The following TTC6 variants were observed in gnomAD, a reference collection of about 807,000 sequenced individuals.
The protein encoded by TTC6 is tetratricopeptide repeat protein 6.
Under a neutral mutation model 210.4 loss-of-function variants are expected in TTC6, and 172 were observed. The ratio of observed to expected loss-of-function variants is 0.82; its 90% confidence interval spans 0.72 to 0.93. TTC6 has a LOEUF of 0.93. Ranked by LOEUF, TTC6 falls within the 40% of genes least tolerant of loss-of-function variation. The probability of loss-of-function intolerance (pLI) is 0.00; values close to 1 mark genes in which losing one functional copy is unlikely to be tolerated. For missense variants in TTC6, 2,414 were observed against 2,318.1 expected, an observed-to-expected ratio of 1.04 and a Z score of -0.85; for synonymous variants, 804 against 819.6, an observed-to-expected ratio of 0.98 and a Z score of 0.32.
chr14:37,732,137 C>T (rs1402910328), intron 7 of TTC6, among the ~76,000 whole-genome samples: 1 of 144,814 alleles, frequency 6.9e-6, no homozygotes, highest in Non-Finnish European at 1.5e-5. Context: ...AGTCAATTAA[C>T]ACATATTTTA....
Position 37,804,663 on chromosome 14 carries a change from C to A in TTC6, c.4030-17C>A, listed in dbSNP as rs567784513. On this transcript the variant is annotated splice_polypyrimidine_tract_variant and intron_variant, in intron 20 of 30. Transcript: ENST00000553443. ...AGAAACATTTCTTGCCCCCTCCCTG[C>A]TTTTTTATCATTATAGGAAGCTGTG... is the stretch of plus-strand genomic sequence containing the variant. 1 of 1,604,578 alleles carries A rather than the reference C, an allele frequency of 6.2e-7. No individual in the cohort carries two copies.
At chr14:37,778,145 G>A (rs949425084) in intron 14 of TTC6, among the ~76,000 whole-genome samples, 13 of 151,852 alleles carry the variant, frequency 8.6e-5, no homozygotes, top group Non-Finnish European at 1.9e-4. Context: ...ATCAGCTGGG[G>A]TGGTGTGCTG....
At chr14:37,758,967 A>G (rs1173592040) in intron 14 of TTC6, among the ~76,000 whole-genome samples, 1 of 152,090 alleles carries the variant, frequency 6.6e-6, no homozygotes, top group Admixed American at 6.5e-5. Flanking sequence ...TTGGATATGA[A>G]ATTCTGGGTT....
chr14:37,608,309 TTTG>T (rs921531274), intron 2 of TTC6, among the ~76,000 whole-genome samples: 9 of 152,192 alleles, frequency 5.9e-5, no homozygotes, highest in Admixed American at 3.3e-4. Context: ...TGTGTGTGTT[TTTG>T]TTGTTGTTGT....
chr14:37,747,292 T>G (rs1274126699), intron 10 of TTC6, among the ~76,000 whole-genome samples: 1 of 152,214 alleles, frequency 6.6e-6, no homozygotes, highest in Non-Finnish European at 1.5e-5. Flanking sequence ...CTAATTACTT[T>G]GTCAGTGAAC....
At position 37,731,790 on chromosome 14, in the gene TTC6, TA is replaced by T. The variant is rs1348743307; in HGVS notation, c.1819-4130del. On this transcript the variant is annotated intron_variant, in intron 7 of 30. Coordinates refer to ENST00000553443, the Ensembl canonical transcript of TTC6. ...TACACATAACCTTTCTGTATTCTTA[TA>T]TTTTAGATGTGTCTTTTATAAACAA... 2.6e-5 allele frequency among the ~76,000 whole-genome samples: 4 copies of T among 152,348 alleles called. No individual in the cohort carries two copies. The East Asian group carries it at 7.7e-4, about 29-fold the overall frequency.
intron 10 of TTC6, among the ~76,000 whole-genome samples, chr14:37,741,822 C>A (rs2095920697): frequency 6.6e-6 from 1 of 152,132 alleles, no homozygotes; most frequent in East Asian, 1.9e-4. Flanking sequence ...ATCCCCTTAG[C>A]CCTGTTGCTT....
chr14:37,771,969 C>A (rs2096020457), intron 14 of TTC6, among the ~76,000 whole-genome samples: 1 of 152,138 alleles, frequency 6.6e-6, no homozygotes, highest in Admixed American at 6.5e-5. Flanking sequence ...TGGTGATGTA[C>A]AGATGGGTTT....
Position 37,805,159 on chromosome 14 carries a change from T to C in TTC6, c.4164+345T>C, listed in dbSNP as rs142468531. Among the ~76,000 whole-genome samples, 6 of 152,340 alleles carry C rather than the reference T, an allele frequency of 3.9e-5. No individual in the cohort carries two copies. In the East Asian group the frequency reaches 1.2e-3, roughly 29 times the overall value. On this transcript the variant is annotated intron_variant, in intron 21 of 30. Coordinates refer to ENST00000553443, the Ensembl canonical transcript of TTC6. The stretch of plus-strand genomic sequence containing the variant: ...TTTAAGTATTTTAAGTGCTTTAACA[T>C]AATGTAGAATAAATGGAAAAGATTA...
At chr14:37,643,772 A>G (rs2095696642) in intron 1 of TTC6, among the ~76,000 whole-genome samples, 1 of 152,182 alleles carries the variant, frequency 6.6e-6, no homozygotes, top group African/African-American at 2.4e-5. Flanking sequence ...CCTCAAGAAC[A>G]TCACTAGTCT....
intron 29 of TTC6, among the ~76,000 whole-genome samples, chr14:37,831,476 T>G (rs2139018092): frequency 1.3e-5 from 2 of 152,274 alleles, no homozygotes; most frequent in African/African-American, 2.4e-5. Flanking sequence ...ATAGTTCTAT[T>G]GTTTTGAGGA....
intron 1 of TTC6, among the ~76,000 whole-genome samples, chr14:37,650,479 G>T (rs1296661233): frequency 6.6e-6 from 1 of 152,146 alleles, no homozygotes; most frequent in African/African-American, 2.4e-5. Context: ...TTAGAAACTA[G>T]ATAAATAAGC....
intron 11 of TTC6, 47 bp downstream of exon 13, chr14:37,749,448 C>A: frequency 7.3e-7 from 1 of 1,366,846 alleles, no homozygotes; most frequent in Non-Finnish European, 9.4e-7. Flanking sequence ...TTTACACTTG[C>A]TTTTAATTGT....
Position 37,605,007 on chromosome 14 carries a change from G to C in TTC6, c.-234-1656G>C, listed in dbSNP as rs569719817. On this transcript the variant is annotated intron_variant, in intron 1 of 2. Transcript: ENST00000556845. ...TTGAAGTCCACCTGAAATGAAACGAGCATGCTGGGCTTATGGTGTATGCTT... is the reference window on the plus strand; with the variant it reads ...TTGAAGTCCACCTGAAATGAAACGACCATGCTGGGCTTATGGTGTATGCTT... Among the ~76,000 whole-genome samples, 21 of 152,336 alleles carry C rather than the reference G, an allele frequency of 1.4e-4. 1 individual carries two copies. The South Asian group carries it at 4.3e-3, about 32-fold the overall frequency.
At chr14:37,606,870 T>C (rs939286577) in intron 2 of TTC6, 128 bp downstream of exon 2, 6 of 727,376 alleles carry the variant, frequency 8.2e-6, no homozygotes, top group Non-Finnish European at 3.4e-6. Flanking sequence ...GGCTGGTTTC[T>C]ACAGGAAAGG....
intron 1 of TTC6, among the ~76,000 whole-genome samples, chr14:37,631,247 A>G (rs1200162937): frequency 6.6e-6 from 1 of 152,078 alleles, no homozygotes; most frequent in Non-Finnish European, 1.5e-5. Context: ...AGTGGCTGGT[A>G]CTGGCTTTTC....
In TTC6 at chr14:37,756,417, T is replaced by C. The variant is rs1192374683; in HGVS notation, c.3266+3182T>C. Among the ~76,000 whole-genome samples, 11 of 152,206 alleles carry C rather than the reference T, an allele frequency of 7.2e-5. No individual in the cohort carries two copies. In the East Asian group the frequency reaches 1.9e-3, roughly 27 times the overall value. ...AGGAGTGGTGAGAGAGGCATCCTTG[T>C]CTTGTGCCAGTTTTCAAAGGGAATG... On this transcript the variant is annotated intron_variant, in intron 14 of 30. Transcript: ENST00000553443.
At chr14:37,772,057 C>G (rs1006835219) in intron 14 of TTC6, among the ~76,000 whole-genome samples, 6 of 152,002 alleles carry the variant, frequency 3.9e-5, no homozygotes, top group African/African-American at 1.5e-4. Context: ...GTTGGAGTAC[C>G]CTGCCGTGTG....
At chr14:37,656,034 A>G (rs372065826) in intron 1 of TTC6, among the ~76,000 whole-genome samples, 2 of 152,326 alleles carry the variant, frequency 1.3e-5, no homozygotes, top group African/African-American at 4.8e-5. Context: ...TCTTTTGCTA[A>G]TCTCTTGTTA....
Sources: allele counts gnomAD v4.1 joint callset (sites outside exome capture counted in the v4.1 genomes callset), GRCh38; gene constraint gnomAD v4.1.1; transcripts MANE v1.5; gene names NCBI Gene and HGNC (gene_info 2026-07-23, HGNC 2026-07-21).